The following DPY19L4 variants were observed in gnomAD, a reference collection of about 807,000 sequenced individuals.
DPY19L4 encodes the protein dpy-19 like 4.
Under a neutral mutation model 102.8 loss-of-function variants are expected in DPY19L4, and 97 were observed. The observed-to-expected ratio is 0.94, with a 90% CI of 0.80 to 1.12. DPY19L4 has a LOEUF of 1.12. DPY19L4 is among the 50% of genes most tolerant of loss of function. DPY19L4 has a pLI of 0.00. For synonymous variants in DPY19L4, 252 were observed against 283.1 expected, an observed-to-expected ratio of 0.89 and a Z score of 1.10; for missense variants, 815 against 850.4, an observed-to-expected ratio of 0.96 and a Z score of 0.52.
At chr8:94,755,975 A>T in intron 6 of DPY19L4, 61 bp from the exon 7 acceptor site, 1 of 1,501,158 alleles carries the variant, frequency 6.7e-7, no homozygotes, top group Non-Finnish European at 9.0e-7. Context: ...GTACTTTGAA[A>T]AGTATAGTGT....
intron 6 of DPY19L4, among the ~76,000 whole-genome samples, chr8:94,753,438 A>G (rs1230459089): frequency 6.6e-6 from 1 of 152,212 alleles, no homozygotes; most frequent in Non-Finnish European, 1.5e-5. Context: ...GAACAAAAAT[A>G]TTTAAGTGTA....
chr8:94,764,717 AT>A (rs869220296), intron 8 of DPY19L4, among the ~76,000 whole-genome samples: 291 of 28,654 alleles, frequency 0.01, no homozygotes, highest in Middle Eastern at 0.071. Flanking sequence ...ATATATATAT[AT>A]TTTTTTTTTT....
chr8:94,757,470 C>T (rs1292319835), intron 7 of DPY19L4, among the ~76,000 whole-genome samples: 8 of 152,036 alleles, frequency 5.3e-5, no homozygotes, highest in African/African-American at 9.6e-5. Context: ...AGTGTGATGG[C>T]GTGATCTCTG....
At chr8:94,730,070 G>GT (rs965856992) in intron 2 of DPY19L4, among the ~76,000 whole-genome samples, 24 of 147,460 alleles carry the variant, frequency 1.6e-4, no homozygotes, top group Admixed American at 4.1e-4. Flanking sequence ...TGTACTTATA[G>GT]TTTTTTTTTT....
intron 16 of DPY19L4, among the ~76,000 whole-genome samples, chr8:94,782,058 A>G (rs1188636938): frequency 1.3e-5 from 2 of 152,226 alleles, no homozygotes; most frequent in East Asian, 1.9e-4. Flanking sequence ...TTAGACCTCT[A>G]GCTATTTCTG....
chr8:94,774,286 A>G (rs937608851), intron 13 of DPY19L4, among the ~76,000 whole-genome samples: 2 of 151,694 alleles, frequency 1.3e-5, no homozygotes, highest in African/African-American at 4.8e-5. Context: ...GGCTCAAGCC[A>G]TCCTCCCACC....
intron 7 of DPY19L4, among the ~76,000 whole-genome samples, chr8:94,758,432 G>A (rs1033398328): frequency 2.6e-5 from 4 of 152,124 alleles, no homozygotes; most frequent in Admixed American, 2.0e-4. Context: ...GTTATCACAC[G>A]TATAAATTTG....
intron 8 of DPY19L4, among the ~76,000 whole-genome samples, chr8:94,764,792 C>T (rs1400008745): frequency 8.2e-6 from 1 of 122,242 alleles, no homozygotes; most frequent in South Asian, 3.0e-4. Context: ...TGCAGTGGTG[C>T]GATTTTGGCT....
At chr8:94,723,469 G>T (rs151018412) in intron 1 of DPY19L4, among the ~76,000 whole-genome samples, 1 of 148,416 alleles carries the variant, frequency 6.7e-6, no homozygotes, top group African/African-American at 2.5e-5. Flanking sequence ...GTGAAACTCC[G>T]TCTCAAAAAA....
intron 8 of DPY19L4, among the ~76,000 whole-genome samples, chr8:94,764,595 A>G (rs1168894452): frequency 6.2e-5 from 9 of 144,884 alleles, no homozygotes; most frequent in Non-Finnish European, 1.4e-4. Flanking sequence ...AAAAAAAAGA[A>G]AACAGTGATA....
intron 13 of DPY19L4, among the ~76,000 whole-genome samples, chr8:94,773,290 T>C (rs1813012642): frequency 6.6e-6 from 1 of 151,950 alleles, no homozygotes; most frequent in Non-Finnish European, 1.5e-5. Flanking sequence ...GTAATTCATA[T>C]AGGAGCATCT....
chr8:94,737,577 A>T (rs1264132649), intron 3 of DPY19L4, among the ~76,000 whole-genome samples: 1 of 151,556 alleles, frequency 6.6e-6, no homozygotes, highest in Non-Finnish European at 1.5e-5. Flanking sequence ...AGGTCAGGAG[A>T]TTGAGACCAT....
chr8:94,753,530 C>T (rs1180488510), intron 6 of DPY19L4, among the ~76,000 whole-genome samples: 2 of 152,082 alleles, frequency 1.3e-5, no homozygotes, highest in Non-Finnish European at 2.9e-5. Context: ...TTGTGCTAAA[C>T]AGAAAATGGT....
chr8:94,751,150 A>G (rs1366264526), intron 6 of DPY19L4, among the ~76,000 whole-genome samples: 7 of 138,888 alleles, frequency 5.0e-5, no homozygotes, highest in African/African-American at 1.6e-4. Context: ...ACAGAGTCTC[A>G]CTCTGTTGCC....
intron 2 of DPY19L4, among the ~76,000 whole-genome samples, chr8:94,734,032 T>C (rs1012752283): frequency 4.6e-5 from 7 of 151,896 alleles, no homozygotes; most frequent in Non-Finnish European, 7.4e-5. Context: ...TATTCAGATA[T>C]TCAGATTTCC....
At chr8:94,770,381 A>G in intron 12 of DPY19L4, 71 bp from the exon 13 acceptor site, 3 of 1,448,178 alleles carry the variant, frequency 2.1e-6, no homozygotes, top group Non-Finnish European at 2.8e-6. Flanking sequence ...TTCAAAGATG[A>G]TAAACAATGT....
At chr8:94,771,642 A>G (rs1308678106) in intron 13 of DPY19L4, among the ~76,000 whole-genome samples, 5 of 152,232 alleles carry the variant, frequency 3.3e-5, no homozygotes, top group Non-Finnish European at 7.3e-5. Flanking sequence ...AAGGGTGAGT[A>G]GGAGTGGACT....
At chr8:94,728,273 C>G (rs36089811) in intron 2 of DPY19L4, among the ~76,000 whole-genome samples, 16,698 of 152,314 alleles carry the variant, frequency 0.11, 982 homozygotes, top group Non-Finnish European at 0.13. Flanking sequence ...CACATCCCCC[C>G]ACTCTCAGTA....
At chr8:94,777,565 TGGTATTTTC>T in intron 13 of DPY19L4, 92 bp from the exon 14 acceptor site, 2 of 1,386,720 alleles carry the variant, frequency 1.4e-6, no homozygotes, top group South Asian at 3.0e-5. Context: ...CTTAGCATTT[TGGTATTTTC>T]GTGAGTAGTA....
Sources: allele counts gnomAD v4.1 joint callset (sites outside exome capture counted in the v4.1 genomes callset), GRCh38; gene constraint gnomAD v4.1.1; transcripts MANE v1.5; gene names NCBI Gene and HGNC (gene_info 2026-07-23, HGNC 2026-07-21).